HLA-B: variants seen among roughly 807,000 people sequenced by gnomAD.
HLA-B encodes the protein major histocompatibility complex, class I, B, also known as HLA class I antigen HLA-B.
HLA-B carries 31 observed loss-of-function variants against 41.5 expected under a neutral mutation model. The ratio of observed to expected loss-of-function variants is 0.75; its 90% CI spans 0.56 to 1.01. The LOEUF is 1.01. Ranked by LOEUF, HLA-B falls within the 50% of genes least tolerant of loss-of-function variation. The probability of loss-of-function intolerance (pLI) is 0.00; values close to 1 mark genes in which losing one functional copy is unlikely to be tolerated. For missense variants in HLA-B, 369 were observed against 457.2 expected (o/e 0.81, Z 1.76); for synonymous variants, 138 against 189.0 (o/e 0.73, Z 2.21).
chr6:31,354,518 T>A lies in HLA-B; in HGVS notation c.1054A>T (p.Ser352Cys). The change falls in exon 7 of 8, where the codon AGT (serine) becomes TGT (cysteine). Residue 352 changes from serine to cysteine, a missense_variant. By Grantham distance (112) the Ser-to-Cys change is moderately radical. Coordinates refer to ENST00000412585, the MANE Select transcript of HLA-B (RefSeq NM_005514.8). The stretch of plus-strand genomic sequence containing the variant: ...AGAGACACATCAGAGCCCTGGGCAC[T>A]GTCGCTGCCTGGAGTAGAACAAAAA... ...GSYSQAACSDSAQGSDVSLTA is the reference protein window; with the variant it reads ...GSYSQAACSDCAQGSDVSLTA The A allele has an allele frequency of 7.7e-7, 1 of 1,293,854 alleles. No homozygotes were observed. The allele number at this position is 1,293,854 out of a possible 1,614,324, so 80.1% of individuals were successfully genotyped here. A position where few individuals can be genotyped will look rare whatever the true frequency, so the allele number is the denominator to read the frequency against.
In HLA-B at chr6:31,355,238, GAA is replaced by G; in HGVS notation, c.896-17_896-16del. ...GGAAGACGGCTCTGGGAAAGGAGGG[GAA>G]GATGAGGGGCCCTGACCCTGCTGAA... is the stretch of plus-strand genomic sequence containing the variant. On this transcript the variant is annotated splice_polypyrimidine_tract_variant and intron_variant, in intron 4 of 7. Transcript: ENST00000412585. The G allele has an allele frequency of 9.9e-7, 1 of 1,005,086 alleles. No homozygotes were observed. The highest frequency in any genetic ancestry group is 1.3e-6 in the Non-Finnish European group (1 of 782,556). 62.3% of individuals were successfully genotyped at this position (1,005,086 alleles called of 1,614,324 possible).
Position 31,356,288 on chromosome 6 carries a change from G to A in HLA-B, c.498C>T (p.Ile166=), listed in dbSNP as rs151341271. The change falls in exon 3 of 8, where the codon ATC becomes ATT. Residue 166 remains isoleucine (I), a synonymous_variant. Coordinates refer to ENST00000412585, the MANE Select transcript of HLA-B (RefSeq NM_005514.8). ...SWTAADTAAQ[I]TQRKWEAARE... The stretch of plus-strand genomic sequence containing the variant: ...GGGCCGCCTCCCACTTGCGCTGGGT[G>A]ATCTGAGCCGCCGTGTCCGCGGCGG... 2.2e-6 allele frequency: 3 copies of A among 1,371,574 alleles called. No homozygotes were observed. Among genetic ancestry groups the A allele is most frequent in the Non-Finnish European group, 2.9e-6 (3 of 1,042,410 alleles). 85.0% of individuals were successfully genotyped at this position (1,371,574 alleles called of 1,614,324 possible).
At position 31,354,912 on chromosome 6, in the gene HLA-B, C is replaced by T. The variant is rs41541514; in HGVS notation, c.1012+195G>A. 144 of 334,532 alleles carry T rather than the reference C, an allele frequency of 4.3e-4. 5 individuals are homozygous for T. Among genetic ancestry groups the T allele is most frequent in the Middle Eastern group, 4.2e-3 (4 of 954 alleles). 20.7% of individuals were successfully genotyped at this position (334,532 alleles called of 1,614,324 possible). A position where few individuals can be genotyped will look rare whatever the true frequency, so the allele number is the denominator to read the frequency against. On this transcript the variant is annotated intron_variant, in intron 5 of 7. Transcript: ENST00000412585. ...ATCAGGACCCCAACACCACAACCAT[C>T]AAGGTGATACATCCATCCTTCATTG...
intron 7 of HLA-B, 46 bp downstream of exon 7, chr6:31,354,432 AC>A (rs71920763): frequency 9.4e-6 from 2 of 213,804 alleles, no homozygotes; most frequent in South Asian, 2.9e-5. Context: ...TGCCCCACCC[AC>A]CCCCAGACCC....
chr6:31,355,748 C>A, intron 3 of HLA-B, 156 bp from the exon 4 acceptor site: 3 of 623,268 alleles, frequency 4.8e-6, no homozygotes, highest in Non-Finnish European at 8.1e-6. Flanking sequence ...CTGGGATAAT[C>A]TCCTATTCAT....
rs10947205 is a variant in HLA-B, at chr6:31,353,998, G to A, written c.*303C>T. On this transcript the variant is annotated 3_prime_UTR_variant, in exon 8 of 8. Transcript: ENST00000412585. ...ATTTATATTCAGATTCTTATTTTCA[G>A]TAGGGAAGTAAGAAGTTGCAGCTCA... The A allele has an allele frequency of 9.3e-3, 3,333 of 356,736 alleles. No homozygotes were observed. The highest frequency in any genetic ancestry group is 0.059 in the African/African-American group (2,846 of 48,184). 22.1% of individuals were successfully genotyped at this position (356,736 alleles called of 1,614,324 possible).
chr6:31,356,633 G>A, intron 2 of HLA-B, 55 bp downstream of exon 2: 6 of 1,386,932 alleles, frequency 4.3e-6, no homozygotes, highest in Non-Finnish European at 5.9e-6. Flanking sequence ...GGCGACCCGG[G>A]CCGTACGTGG....
In HLA-B at chr6:31,357,026, C is replaced by A. The variant is rs748621222; in HGVS notation, c.73+60G>T. 14 of 911,982 alleles carry A rather than the reference C, an allele frequency of 1.5e-5. 3 individuals are homozygous for A. The African/African-American group carries it at 2.2e-4, about 14-fold the overall frequency. The allele number at this position is 911,982 out of a possible 1,614,324, so 56.5% of individuals were successfully genotyped here. On this transcript the variant is annotated intron_variant, in intron 1 of 7. Coordinates refer to ENST00000412585, the MANE Select transcript of HLA-B (RefSeq NM_005514.8). Reference sequence around the variant, plus strand: ...GCGCGGCTCCTCAGGTCCTGCGCCCCCGCCTGCGGTCCCCTCGCTCCTCCC... The same window carrying A: ...GCGCGGCTCCTCAGGTCCTGCGCCCACGCCTGCGGTCCCCTCGCTCCTCCC...
rs967560249 is a variant in HLA-B, at chr6:31,354,865, C to T, written c.1013-200G>A. 8.0e-6 allele frequency: 3 copies of T among 373,754 alleles called. No homozygotes were observed. The African/African-American group carries it at 1.2e-4, about 15-fold the overall frequency. The allele number at this position is 373,754 out of a possible 1,614,324, so 23.2% of individuals were successfully genotyped here. A position where few individuals can be genotyped will look rare whatever the true frequency, so the allele number is the denominator to read the frequency against. ...AAGGTCTGTCCTTAGCAGGGACCTT[C>T]CCCTGACTCATGAATGCTGGAATCA... On this transcript the variant is annotated intron_variant, in intron 5 of 7. Coordinates refer to ENST00000412585, the MANE Select transcript of HLA-B (RefSeq NM_005514.8).
At position 31,354,800 on chromosome 6, in the gene HLA-B, C is replaced by T. The variant is rs778364850; in HGVS notation, c.1013-135G>A. 8.9e-5 allele frequency: 41 copies of T among 462,164 alleles called. 2 individuals carry two copies. The highest frequency in any genetic ancestry group is 1.8e-4 in the South Asian group (8 of 45,032). 28.6% of individuals were successfully genotyped at this position (462,164 alleles called of 1,614,324 possible). A position where few individuals can be genotyped will look rare whatever the true frequency, so the allele number is the denominator to read the frequency against. Reference sequence around the variant, plus strand: ...AGACCCAGGGCAGGATCAGGAAACACGAGGAAAGCAAGTGTGGGTCCTGGA... The same window carrying T: ...AGACCCAGGGCAGGATCAGGAAACATGAGGAAAGCAAGTGTGGGTCCTGGA... On this transcript the variant is annotated intron_variant, in intron 5 of 7. Coordinates refer to ENST00000412585, the MANE Select transcript of HLA-B (RefSeq NM_005514.8).
chr6:31,354,199 T>G lies in HLA-B; in HGVS notation c.*102A>C. On this transcript the variant is annotated 3_prime_UTR_variant, in exon 8 of 8. Coordinates refer to ENST00000412585, the MANE Select transcript of HLA-B (RefSeq NM_005514.8). ...TAACAGGGACGCAGACACATTCAGGTGCCTTTGCAGAAAGAGATGCCAGAG... is the reference window on the plus strand; with the variant it reads ...TAACAGGGACGCAGACACATTCAGGGGCCTTTGCAGAAAGAGATGCCAGAG... 1.7e-6 allele frequency: 1 copy of G among 605,788 alleles called. No homozygotes were observed. The allele number at this position is 605,788 out of a possible 1,614,324, so 37.5% of individuals were successfully genotyped here.
In HLA-B at chr6:31,356,559, C is replaced by G. The variant is rs41559413; in HGVS notation, c.344-117G>C. 275 of 1,111,130 alleles carry G rather than the reference C, an allele frequency of 2.5e-4. 2 individuals carry two copies. The Middle Eastern group carries it at 3.6e-3, about 15-fold the overall frequency. The allele number at this position is 1,111,130 out of a possible 1,614,324, so 68.8% of individuals were successfully genotyped here. Reference sequence around the variant, plus strand: ...CGGGTAAACGCGCCTGGGGCTCTCGCCGGTCGAGGGTCTGGGCGGGTCCCG... The same window carrying G: ...CGGGTAAACGCGCCTGGGGCTCTCGGCGGTCGAGGGTCTGGGCGGGTCCCG... On this transcript the variant is annotated intron_variant, in intron 2 of 7. Transcript: ENST00000412585.
chr6:31,356,594 G>C (rs1562170515), intron 2 of HLA-B, 94 bp downstream of exon 2: 2 of 1,028,368 alleles, frequency 1.9e-6, no homozygotes, highest in South Asian at 1.6e-5. Flanking sequence ...GCGGCCTCAG[G>C]GAGGCGGATC....
In HLA-B at chr6:31,356,317, AG is replaced by A; in HGVS notation, c.468del (p.Trp157GlyfsTer57). Reference sequence around the variant, plus strand: ...TGAGCCGCCGTGTCCGCGGCGGTCCAGGAGCGCAGGTCCTCGTTCAGGGCGA... The same window carrying A: ...TGAGCCGCCGTGTCCGCGGCGGTCCAGAGCGCAGGTCCTCGTTCAGGGCGA... ...DYIALNEDLR[S>X]WTAADTAAQI... On this transcript the variant is annotated frameshift_variant, in exon 3 of 8. Transcript: ENST00000412585. LOFTEE classifies it high-confidence loss of function. 1 of 1,303,050 alleles carries A rather than the reference AG, an allele frequency of 7.7e-7. No homozygotes were observed. The highest frequency in any genetic ancestry group is 1.0e-6 in the Non-Finnish European group (1 of 988,608). The allele number at this position is 1,303,050 out of a possible 1,614,324, so 80.7% of individuals were successfully genotyped here.
At chr6:31,354,694 A>ATAC in intron 5 of HLA-B, 29 bp from the exon 6 acceptor site, 1 of 1,134,248 alleles carries the variant, frequency 8.8e-7, no homozygotes, top group South Asian at 1.3e-5. Context: ...CTGTGAGGGC[A>ATAC]CTGGGAGGAA....
chr6:31,354,434 C>T (rs137854846), intron 7 of HLA-B, 45 bp downstream of exon 7: 3 of 338,632 alleles, frequency 8.9e-6, no homozygotes, highest in East Asian at 6.2e-5. Context: ...CCCCACCCAC[C>T]CCCAGACCCG....
intron 7 of HLA-B, 56 bp downstream of exon 7, chr6:31,354,423 G>GCCCCCC (rs150296664): frequency 2.5e-5 from 8 of 318,250 alleles, no homozygotes; most frequent in Non-Finnish European, 2.8e-5. Context: ...TTTCCCCTCT[G>GCCCCCC]CCCCACCCAC....
chr6:31,356,156 GC>G lies in HLA-B; in HGVS notation c.619+10del. The G allele has an allele frequency of 2.5e-6, 3 of 1,198,356 alleles. No individual in the cohort carries two copies. The highest frequency in any genetic ancestry group is 3.3e-6 in the Non-Finnish European group (3 of 914,950). The allele number at this position is 1,198,356 out of a possible 1,614,324, so 74.2% of individuals were successfully genotyped here. A position where few individuals can be genotyped will look rare whatever the true frequency, so the allele number is the denominator to read the frequency against. ...TAGGAGATGGGGAAGGCTCCCCACT[GC>G]CCCTGGTACCAGCGCGCTCCAGCTT... On this transcript the variant is annotated intron_variant, in intron 3 of 7. Coordinates refer to ENST00000412585, the MANE Select transcript of HLA-B (RefSeq NM_005514.8).
chr6:31,355,781 G>A (rs577801468), intron 3 of HLA-B, 189 bp from the exon 4 acceptor site: 28 of 689,354 alleles, frequency 4.1e-5, no homozygotes, highest in South Asian at 3.0e-4. Context: ...GTCTCTGAGC[G>A]GGGAACAGGG....
Sources: gnomAD v4.1 joint callset for allele counts on GRCh38, gnomAD v4.1.1 for gene constraint, MANE v1.5 for transcripts, NCBI Gene and HGNC (gene_info 2026-07-23, HGNC 2026-07-21) for gene names.